The following KIF2A variants were observed in gnomAD, a reference collection of about 807,000 sequenced individuals.
KIF2A encodes kinesin-like protein KIF2A.
A neutral mutation model predicts 100.2 loss-of-function variants in KIF2A; 22 were observed. That is an observed-to-expected ratio of 0.22 (90% confidence interval 0.16 to 0.31). KIF2A has a LOEUF of 0.31. KIF2A is among the 10% of genes least tolerant of loss of function. The pLI is 1.00. For missense variants in KIF2A, 495 were observed against 898.7 expected (o/e 0.55, Z 5.74); for synonymous variants, 268 against 285.9 (o/e 0.94, Z 0.63).
Position 62,306,436 on chromosome 5 carries a change from C to G in KIF2A, c.-37C>G. 6.6e-7 allele frequency: 1 copy of G among 1,523,638 alleles called. No individual in the cohort carries two copies. The allele number at this position is 1,523,638 out of a possible 1,614,324, so 94.4% of individuals were successfully genotyped here. The stretch of plus-strand genomic sequence containing the variant: ...CCCGCCTTTTCCGCCCTCCGGTCCC[C>G]CTCCCTCGGCCCGCTGCTGCTGCTC... On this transcript the variant is annotated 5_prime_UTR_variant, in exon 1 of 21. Transcript: ENST00000407818.
chr5:62,306,382 T>TCCCCCCC lies in KIF2A; in HGVS notation c.-86_-85insCCCCCCC. 5 of 942,894 alleles carry TCCCCCCC rather than the reference T, an allele frequency of 5.3e-6. No individual in the cohort carries two copies. The highest frequency in any genetic ancestry group is 2.9e-5 in the East Asian group (1 of 34,414). The allele number at this position is 942,894 out of a possible 1,614,324, so 58.4% of individuals were successfully genotyped here. A position where few individuals can be genotyped will look rare whatever the true frequency, so the allele number is the denominator to read the frequency against. On this transcript the variant is annotated 5_prime_UTR_variant, in exon 1 of 21. Transcript: ENST00000407818. ...GGCCGGCGCGGCCGCGGGCAACCGC[T>TCCCCCCC]CCCCCTCCCACACCTACCCCGCCCC... is the stretch of plus-strand genomic sequence containing the variant.
intron 1 of KIF2A, among the ~76,000 whole-genome samples, chr5:62,307,724 T>C (rs1468719714): frequency 2.6e-5 from 4 of 151,816 alleles, no homozygotes; most frequent in African/African-American, 9.7e-5. Context: ...TTGAAGCTAT[T>C]CTTGTGCCTC....
chr5:62,337,325 C>CT (rs1747014723), intron 1 of KIF2A, among the ~76,000 whole-genome samples: 1 of 152,014 alleles, frequency 6.6e-6, no homozygotes, highest in South Asian at 2.1e-4. Flanking sequence ...AACCCCCTCT[C>CT]TACTAAAAAT....
At position 62,306,430 on chromosome 5, in the gene KIF2A, G is replaced by A; in HGVS notation, c.-43G>A. 1 of 463,956 alleles carries A rather than the reference G, an allele frequency of 2.2e-6. No individual in the cohort carries two copies. The highest frequency in any genetic ancestry group is 3.1e-6 in the Non-Finnish European group (1 of 318,848). 28.7% of individuals were successfully genotyped at this position (463,956 alleles called of 1,614,324 possible). On this transcript the variant is annotated 5_prime_UTR_variant, in exon 1 of 21. Transcript: ENST00000407818. Reference sequence around the variant, plus strand: ...CCCCTCCCCGCCTTTTCCGCCCTCCGGTCCCCCTCCCTCGGCCCGCTGCTG... The same window carrying A: ...CCCCTCCCCGCCTTTTCCGCCCTCCAGTCCCCCTCCCTCGGCCCGCTGCTG...
chr5:62,373,259 T>C (rs898837280), intron 17 of KIF2A, among the ~76,000 whole-genome samples: 1 of 152,078 alleles, frequency 6.6e-6, no homozygotes, highest in Non-Finnish European at 1.5e-5. Flanking sequence ...TTTTTTGTTT[T>C]GTTTCAGCAG....
At chr5:62,383,721 T>C (rs560944140) in intron 20 of KIF2A, among the ~76,000 whole-genome samples, 17 of 152,218 alleles carry the variant, frequency 1.1e-4, no homozygotes, top group Admixed American at 9.2e-4. Context: ...ATCATTTTTC[T>C]AATCTGCAAT....
chr5:62,381,626 G>A (rs1251687300), intron 20 of KIF2A, among the ~76,000 whole-genome samples: 2 of 152,218 alleles, frequency 1.3e-5, no homozygotes, highest in Non-Finnish European at 2.9e-5. Context: ...GCACAGGGGC[G>A]TGATCATGGC....
chr5:62,306,662 G>T, intron 1 of KIF2A, 126 bp downstream of exon 1: 1 of 768,542 alleles, frequency 1.3e-6, no homozygotes, highest in East Asian at 3.1e-5. Flanking sequence ...GGCGGCGGCC[G>T]CGGCGCTTTT....
chr5:62,345,067 G>A (rs1418954706), intron 1 of KIF2A, among the ~76,000 whole-genome samples: 1 of 151,980 alleles, frequency 6.6e-6, no homozygotes, highest in Non-Finnish European at 1.5e-5. Flanking sequence ...CCAACATGGA[G>A]AAACCCTGTC....
chr5:62,343,546 A>T (rs1747405232), intron 1 of KIF2A, among the ~76,000 whole-genome samples: 1 of 152,192 alleles, frequency 6.6e-6, no homozygotes, highest in Non-Finnish European at 1.5e-5. Context: ...GGTCATTGAA[A>T]GGACTTTAGC....
intron 19 of KIF2A, among the ~76,000 whole-genome samples, chr5:62,379,103 C>A (rs769308217): frequency 6.6e-6 from 1 of 151,720 alleles, no homozygotes; most frequent in Non-Finnish European, 1.5e-5. Context: ...TGGCAAAACC[C>A]CATCTCTATT....
At chr5:62,320,681 A>G (rs1366478722) in intron 1 of KIF2A, among the ~76,000 whole-genome samples, 1 of 152,208 alleles carries the variant, frequency 6.6e-6, no homozygotes, top group East Asian at 1.9e-4. Flanking sequence ...GTCATAGCCA[A>G]TATAGAAAAA....
intron 4 of KIF2A, among the ~76,000 whole-genome samples, chr5:62,350,473 C>T (rs1177959460): frequency 6.6e-6 from 1 of 151,734 alleles, no homozygotes; most frequent in East Asian, 1.9e-4. Context: ...GAGAGTCTTT[C>T]CATGTTGCCT....
At chr5:62,308,569 C>CA in intron 1 of KIF2A, 1 of 702,074 alleles carries the variant, frequency 1.4e-6, no homozygotes, top group Admixed American at 2.0e-5. Context: ...TGTGTATAGA[C>CA]AATGTACAAT....
intron 1 of KIF2A, among the ~76,000 whole-genome samples, chr5:62,317,531 T>C (rs1745876899): frequency 6.6e-6 from 1 of 152,226 alleles, no homozygotes; most frequent in African/African-American, 2.4e-5. Context: ...AAATCTGAGA[T>C]TAGAACATAG....
intron 4 of KIF2A, among the ~76,000 whole-genome samples, chr5:62,350,635 G>C (rs1337663651): frequency 6.6e-6 from 1 of 152,042 alleles, no homozygotes; most frequent in East Asian, 1.9e-4. Flanking sequence ...ATTTTGTCCA[G>C]GTGCGGTGAC....
chr5:62,315,583 G>T (rs1745780368), intron 1 of KIF2A, among the ~76,000 whole-genome samples: 1 of 152,214 alleles, frequency 6.6e-6, no homozygotes, highest in South Asian at 2.1e-4. Context: ...TCCCTGACTG[G>T]AAACAAAGCT....
In KIF2A at chr5:62,389,577, G is replaced by A. The variant is rs1165039468; in HGVS notation, c.*4008G>A. Among the ~76,000 whole-genome samples, 1 of 150,954 alleles carries A rather than the reference G, an allele frequency of 6.6e-6. No individual in the cohort carries two copies. Among genetic ancestry groups the A allele is most frequent in the Non-Finnish European group, 1.5e-5 (1 of 67,898 alleles). ...TGCCATGTTGGTGCCTCTTTCATTAGAGCCTTTATGTCGTAATGAATTTGA... is the reference window on the plus strand; with the variant it reads ...TGCCATGTTGGTGCCTCTTTCATTAAAGCCTTTATGTCGTAATGAATTTGA... On this transcript the variant is annotated 3_prime_UTR_variant, in exon 21 of 21. Transcript: ENST00000407818.
At chr5:62,374,972 T>C (rs1002389328) in intron 18 of KIF2A, among the ~76,000 whole-genome samples, 1 of 152,172 alleles carries the variant, frequency 6.6e-6, no homozygotes, top group African/African-American at 2.4e-5. Context: ...TGTGGACATA[T>C]GCATCTATAT....
Sources: gnomAD v4.1 joint callset for allele counts (sites outside exome capture counted in the v4.1 genomes callset) on GRCh38, gnomAD v4.1.1 for gene constraint, MANE v1.5 for transcripts, NCBI Gene and HGNC (gene_info 2026-07-23, HGNC 2026-07-21) for gene names.